The following AP1S2 variants were observed in gnomAD, a reference collection of about 807,000 sequenced individuals.
AP1S2 encodes the protein adaptor related protein complex 1 subunit sigma 2.
A neutral mutation model predicts 14.3 loss-of-function variants in AP1S2; 1 was observed. The observed-to-expected ratio is 0.07, with a 90% CI of 0.02 to 0.33. The LOEUF is 0.33. Among genes scored for constraint, AP1S2 ranks in the 10% least tolerant of loss-of-function variants. The probability of loss-of-function intolerance (pLI) is 0.99; values close to 1 mark genes in which losing one functional copy is unlikely to be tolerated. For synonymous variants in AP1S2, 30 were observed against 40.5 expected, an observed-to-expected ratio of 0.74 and a Z score of 0.99; for missense variants, 30 against 117.7, an observed-to-expected ratio of 0.25 and a Z score of 3.45.
Position 15,852,501 on chromosome X carries a change from A to T in AP1S2, c.24T>A (p.Ser8Arg). 1 of 1,209,159 alleles carries T rather than the reference A, an allele frequency of 8.3e-7. No individual in the cohort carries two copies. The highest frequency in any genetic ancestry group is 1.1e-6 in the Non-Finnish European group (1 of 893,718). MQFMLLF[S>R]RQGKLRLQKW... ...TTTGCAGTCGAAGCTTTCCCTGACG[A>T]CTAAAAAGCAACATAAACTGCATCT... Residue 8 changes from serine to arginine, a missense_variant, in exon 2 of 6, where the codon AGT becomes AGA. Transcript: ENST00000672987.
At chrX:15,841,994 G>C (rs2147313465) in intron 4 of AP1S2, among the ~76,000 whole-genome samples, 1 of 111,736 alleles carries the variant, frequency 8.9e-6, no homozygotes, top group East Asian at 2.8e-4. Flanking sequence ...ACCTCACTGA[G>C]ATTCCACTTT....
chrX:15,854,652 C>A (rs1934285965), intron 1 of AP1S2, 36 bp downstream of exon 1: 2 of 622,729 alleles, frequency 3.2e-6, no homozygotes, highest in South Asian at 1.5e-4. Flanking sequence ...CCCTCTCCCC[C>A]ATCCCCGGCG....
In AP1S2 at chrX:15,833,329, C is replaced by G; in HGVS notation, c.427-5129G>C. 3.5e-6 allele frequency: 3 copies of G among 851,333 alleles called. No individual in the cohort carries two copies. The South Asian group carries it at 1.3e-4, about 36-fold the overall frequency. 70.2% of individuals were successfully genotyped at this position (851,333 alleles called of 1,213,427 possible). A position where few individuals can be genotyped will look rare whatever the true frequency, so the allele number is the denominator to read the frequency against. On this transcript the variant is annotated intron_variant, in intron 4 of 5. Transcript: ENST00000672987. ...CAATGTGACCACCCAGGCATTTCCA[C>G]CACTTATACCCTGACACACCTTTTA... is the stretch of plus-strand genomic sequence containing the variant.
At chrX:15,830,461 ATCT>A (rs1933398661) in intron 4 of AP1S2, 4 of 749,919 alleles carry the variant, frequency 5.3e-6, no homozygotes, top group Non-Finnish European at 6.3e-6. Flanking sequence ...ATTTTCATAG[ATCT>A]TCTTTCAGTG....
At chrX:15,845,338 C>A in intron 4 of AP1S2, 41 bp downstream of exon 4, 1 of 1,207,307 alleles carries the variant, frequency 8.3e-7, no homozygotes, top group South Asian at 1.8e-5. Context: ...CCAGCAAGAG[C>A]AAAACATGCT....
chrX:15,836,361 AAGGACC>A (rs1392653085), intron 4 of AP1S2, among the ~76,000 whole-genome samples: 2 of 112,055 alleles, frequency 1.8e-5, no homozygotes, highest in African/African-American at 6.5e-5. Flanking sequence ...CCCTTAATAA[AAGGACC>A]ATTTGTTTTG....
intron 4 of AP1S2, among the ~76,000 whole-genome samples, chrX:15,834,226 C>T (rs1017636143): frequency 9.6e-6 from 1 of 104,677 alleles, no homozygotes; most frequent in African/African-American, 3.5e-5. Flanking sequence ...CTATACACCC[C>T]TCCCCTTCTC....
intron 4 of AP1S2, chrX:15,831,616 C>A (rs189742366): frequency 1.1e-4 from 86 of 774,274 alleles, no homozygotes; most frequent in Non-Finnish European, 1.3e-4. Flanking sequence ...CAAACTGACA[C>A]AGACACAATC....
intron 4 of AP1S2, among the ~76,000 whole-genome samples, chrX:15,829,082 G>A (rs896460960): frequency 5.4e-5 from 6 of 111,258 alleles, no homozygotes. Flanking sequence ...GCGGGGAGTG[G>A]TTGGGGAAAC....
Position 15,835,262 on chromosome X carries a change from T to C in AP1S2, c.427-7062A>G, listed in dbSNP as rs185150940. 2.5e-4 allele frequency among the ~76,000 whole-genome samples: 28 copies of C among 112,278 alleles called. No homozygotes were observed. The East Asian group carries it at 7.0e-3, about 28-fold the overall frequency. On this transcript the variant is annotated intron_variant, in intron 4 of 5. Coordinates refer to ENST00000672987, the MANE Select transcript of AP1S2 (RefSeq NM_001272071.2). ...ATTTCAAGTTATTGCTCTACTGCAGTTTTTCTTATAAAAGGACTTCTTCAC... is the reference window on the plus strand; with the variant it reads ...ATTTCAAGTTATTGCTCTACTGCAGCTTTTCTTATAAAAGGACTTCTTCAC...
chrX:15,847,745 A>C (rs1569086693), intron 2 of AP1S2, among the ~76,000 whole-genome samples: 1 of 112,149 alleles, frequency 8.9e-6, no homozygotes, highest in Admixed American at 9.5e-5. Context: ...AATTTGAGGA[A>C]ACTGATAAAT....
intron 4 of AP1S2, among the ~76,000 whole-genome samples, chrX:15,841,419 T>C (rs1482593776): frequency 1.8e-5 from 2 of 110,886 alleles, no homozygotes; most frequent in African/African-American, 3.3e-5. Flanking sequence ...AACAGAAAAA[T>C]AATGACACAT....
intron 1 of AP1S2, 80 bp from the exon 2 acceptor site, chrX:15,852,604 T>C: frequency 3.2e-6 from 3 of 935,186 alleles, no homozygotes; most frequent in Non-Finnish European, 4.5e-6. Flanking sequence ...ACAGAGAAGT[T>C]TTGGGGGATG....
At chrX:15,833,202 T>TA (rs1933488623) in intron 4 of AP1S2, 1 of 752,553 alleles carries the variant, frequency 1.3e-6, no homozygotes, top group African/African-American at 2.3e-5. Flanking sequence ...TTACGCTCAT[T>TA]AAAAGAGAAG....
At chrX:15,841,406 C>T (rs113498543) in intron 4 of AP1S2, among the ~76,000 whole-genome samples, 2 of 111,127 alleles carry the variant, frequency 1.8e-5, no homozygotes, top group African/African-American at 6.5e-5. Flanking sequence ...AGACCTGACA[C>T]TAAACAGAAA....
At chrX:15,840,756 T>C (rs1330052422) in intron 4 of AP1S2, among the ~76,000 whole-genome samples, 1 of 112,340 alleles carries the variant, frequency 8.9e-6, no homozygotes, top group Non-Finnish European at 1.9e-5. Flanking sequence ...AAATAGGTGG[T>C]GGGGAAAAGT....
chrX:15,854,806 G>A lies in AP1S2; in HGVS notation c.-119C>T. The A allele has an allele frequency of 1.3e-6, 1 of 793,031 alleles. No homozygotes were observed. 65.4% of individuals were successfully genotyped at this position (793,031 alleles called of 1,213,427 possible). ...CGTGGTGCTGTGGGGAGGACACCCG[G>A]CTGGCATAGGGCAGGCTTAGGCGGA... On this transcript the variant is annotated 5_prime_UTR_variant, in exon 1 of 6. Coordinates refer to ENST00000672987, the MANE Select transcript of AP1S2 (RefSeq NM_001272071.2).
At chrX:15,853,321 AGT>A (rs761850993) in intron 1 of AP1S2, among the ~76,000 whole-genome samples, 4 of 112,665 alleles carry the variant, frequency 3.6e-5, no homozygotes, top group South Asian at 7.2e-4. Context: ...GCTGAATTCT[AGT>A]GTGTTTTATA....
At chrX:15,827,972 TG>T (rs1933314965) in intron 5 of AP1S2, among the ~76,000 whole-genome samples, 9 of 111,639 alleles carry the variant, frequency 8.1e-5, no homozygotes, top group Middle Eastern at 4.6e-3. Flanking sequence ...CAACCAGCAC[TG>T]GTTTTTAAGT....
Sources: allele counts gnomAD v4.1 joint callset (sites outside exome capture counted in the v4.1 genomes callset), GRCh38; gene constraint gnomAD v4.1.1; transcripts MANE v1.5; gene names NCBI Gene and HGNC (gene_info 2026-07-23, HGNC 2026-07-21).